The following COL5A2 variants were observed in gnomAD, a reference collection of about 807,000 sequenced individuals.
The protein encoded by COL5A2 is collagen alpha-2(V) chain.
COL5A2 carries 23 observed loss-of-function variants against 208.2 expected under a neutral mutation model. The observed-to-expected ratio is 0.11, with a 90% CI of 0.08 to 0.16. The LOEUF (loss-of-function observed/expected upper bound fraction) is 0.16, where lower values mean the gene tolerates loss of function less well. Among genes scored for constraint, COL5A2 ranks in the 10% least tolerant of loss-of-function variants. The pLI is 1.00. For missense variants in COL5A2, 1,590 were observed against 1,956.4 expected, an observed-to-expected ratio of 0.81 and a Z score of 3.53; for synonymous variants, 625 against 628.5, an observed-to-expected ratio of 0.99 and a Z score of 0.08.
At chr2:189,142,917 G>GAGA (rs1687961496) in intron 1 of COL5A2, among the ~76,000 whole-genome samples, 1 of 151,840 alleles carries the variant, frequency 6.6e-6, no homozygotes, top group South Asian at 2.1e-4. Flanking sequence ...TATTCTCTGG[G>GAGA]CTATTCATTC....
At chr2:189,220,974 A>G (rs1240322403) in intron 1 of COL5A2, among the ~76,000 whole-genome samples, 1 of 152,170 alleles carries the variant, frequency 6.6e-6, no homozygotes, top group Non-Finnish European at 1.5e-5. Context: ...GTTCACTGTC[A>G]TATCTCCAGG....
chr2:189,276,679 T>C, the COL5A2 span, among the ~76,000 whole-genome samples: 1 of 152,176 alleles, frequency 6.6e-6, no homozygotes, highest in Non-Finnish European at 1.5e-5. Context: ...ATAAAAAATA[T>C]ATTTAAACAA....
chr2:189,375,980 C>T, the COL5A2 span, among the ~76,000 whole-genome samples: 2 of 152,110 alleles, frequency 1.3e-5, no homozygotes, highest in African/African-American at 4.8e-5. Flanking sequence ...TCTTTTTGCC[C>T]TTTTCTGTCT....
chr2:189,066,660 G>A, intron 22 of COL5A2, 69 bp downstream of exon 22: 2 of 1,371,168 alleles, frequency 1.5e-6, no homozygotes, highest in South Asian at 1.2e-5. Flanking sequence ...TTAAACCCTT[G>A]AGCATTTTGA....
At chr2:189,104,905 C>T (rs1687121068) in intron 2 of COL5A2, among the ~76,000 whole-genome samples, 1 of 151,586 alleles carries the variant, frequency 6.6e-6, no homozygotes, top group African/African-American at 2.4e-5. Context: ...TATATAGTTT[C>T]TTTATTGTTT....
At chr2:189,082,382 C>T (rs1686554446) in intron 12 of COL5A2, among the ~76,000 whole-genome samples, 1 of 152,116 alleles carries the variant, frequency 6.6e-6, no homozygotes, top group Non-Finnish European at 1.5e-5. Flanking sequence ...AATGAAGTCC[C>T]ATTAATTCTT....
chr2:189,156,476 C>T (rs1462440053), intron 1 of COL5A2, among the ~76,000 whole-genome samples: 1 of 152,028 alleles, frequency 6.6e-6, no homozygotes, highest in Non-Finnish European at 1.5e-5. Context: ...TTTCACAAGG[C>T]TTTGTCAAGA....
At chr2:189,405,622 A>G in the COL5A2 span, among the ~76,000 whole-genome samples, 1 of 152,088 alleles carries the variant, frequency 6.6e-6, no homozygotes, top group Non-Finnish European at 1.5e-5. Context: ...CCACTGGGGA[A>G]GCATGCAGGA....
At chr2:189,045,066 G>C (rs1270137775) in intron 47 of COL5A2, 113 bp downstream of exon 47, 2 of 609,812 alleles carry the variant, frequency 3.3e-6, no homozygotes, top group African/African-American at 3.8e-5. Flanking sequence ...TAATATTTTT[G>C]TTCAAGCTTG....
the COL5A2 span, among the ~76,000 whole-genome samples, chr2:189,431,722 T>C: frequency 6.6e-6 from 1 of 152,214 alleles, no homozygotes; most frequent in African/African-American, 2.4e-5. Context: ...TACGTCTGAT[T>C]GGTGTACCTG....
At chr2:189,252,221 A>C in the COL5A2 span, among the ~76,000 whole-genome samples, 360 of 152,340 alleles carry the variant, frequency 2.4e-3, 2 homozygotes, top group Non-Finnish European at 4.5e-3. Flanking sequence ...TCAAGGATCT[A>C]GAACTAGAAA....
At chr2:189,395,029 C>T in the COL5A2 span, among the ~76,000 whole-genome samples, 2 of 152,104 alleles carry the variant, frequency 1.3e-5, no homozygotes, top group Admixed American at 1.3e-4. Context: ...CTTCCACAAA[C>T]CTCCTGGATA....
At chr2:189,332,178 A>C in the COL5A2 span, among the ~76,000 whole-genome samples, 1 of 152,146 alleles carries the variant, frequency 6.6e-6, no homozygotes, top group Middle Eastern at 3.2e-3. Context: ...AAATACATAA[A>C]ATCACAAATT....
In COL5A2 at chr2:189,163,461, AT is replaced by A. The variant is rs1204912691; in HGVS notation, c.97+16046del. Among the ~76,000 whole-genome samples the A allele has an allele frequency of 2.6e-5, 4 of 152,078 alleles. 1 individual carries two copies. The South Asian group carries it at 6.2e-4, about 24-fold the overall frequency. On this transcript the variant is annotated intron_variant, in intron 1 of 53. Coordinates refer to ENST00000374866, the MANE Select transcript of COL5A2 (RefSeq NM_000393.5). Reference sequence around the variant, plus strand: ...AAAATTTGATATCAGATTATTTTGAATTTTTTTTACAATCATCTTTTATAAC... The same window carrying A: ...AAAATTTGATATCAGATTATTTTGAATTTTTTTACAATCATCTTTTATAAC...
chr2:189,160,534 C>T (rs1688339057), intron 1 of COL5A2, among the ~76,000 whole-genome samples: 1 of 152,152 alleles, frequency 6.6e-6, no homozygotes. Context: ...ACTCTACATC[C>T]TGTTCTGACT....
chr2:189,231,506 A>G, the COL5A2 span, among the ~76,000 whole-genome samples: 1 of 151,588 alleles, frequency 6.6e-6, no homozygotes, highest in Admixed American at 6.6e-5. Context: ...TACACTGGGG[A>G]AAAAAATCCA....
chr2:189,105,770 A>T (rs1210881556), intron 2 of COL5A2, among the ~76,000 whole-genome samples: 1 of 151,446 alleles, frequency 6.6e-6, no homozygotes, highest in Non-Finnish European at 1.5e-5. Flanking sequence ...TATCTTTGAA[A>T]TCATTATGAT....
At chr2:189,095,143 T>C (rs1432667877) in intron 6 of COL5A2, 1 of 143,664 alleles carries the variant, frequency 7.0e-6, no homozygotes, top group East Asian at 2.0e-4. Flanking sequence ...GATGGTAATA[T>C]AATGGTGGGG....
At chr2:189,439,283 C>T in the COL5A2 span, among the ~76,000 whole-genome samples, 1 of 152,168 alleles carries the variant, frequency 6.6e-6, no homozygotes, top group Non-Finnish European at 1.5e-5. Flanking sequence ...TTTCTCACTC[C>T]AGTATTCCCA....
Sources: allele counts gnomAD v4.1 joint callset (sites outside exome capture counted in the v4.1 genomes callset), GRCh38; gene constraint gnomAD v4.1.1; transcripts MANE v1.5; gene names NCBI Gene and HGNC (gene_info 2026-07-23, HGNC 2026-07-21).